The following NXN variants were observed in gnomAD, a reference collection of about 807,000 sequenced individuals.
NXN encodes the protein nucleoredoxin 1.
In NXN, 16 loss-of-function variants were observed where a neutral mutation model predicts 48.6. That is an observed-to-expected ratio of 0.33 (90% CI 0.22 to 0.50). The LOEUF (loss-of-function observed/expected upper bound fraction) is 0.50. NXN is among the 20% of genes least tolerant of loss of function. The pLI is 0.98. For missense variants in NXN, 492 were observed against 605.5 expected, an observed-to-expected ratio of 0.81 and a Z score of 1.97; for synonymous variants, 281 against 269.6, an observed-to-expected ratio of 1.04 and a Z score of -0.41.
chr17:812,884 A>C (rs374154169), intron 5 of NXN, among the ~76,000 whole-genome samples: 1 of 139,692 alleles, frequency 7.2e-6, no homozygotes, highest in Non-Finnish European at 1.5e-5. Context: ...GTGTGCGCAC[A>C]TGTGAATGTA....
At chr17:847,269 G>C (rs1232200822) in intron 1 of NXN, among the ~76,000 whole-genome samples, 1 of 150,918 alleles carries the variant, frequency 6.6e-6, no homozygotes, top group East Asian at 1.9e-4. Context: ...TCTGTTTCTT[G>C]GCAGAACTTT....
chr17:897,099 G>A (rs772588259), intron 1 of NXN: 14 of 1,020,960 alleles, frequency 1.4e-5, no homozygotes, highest in African/African-American at 1.8e-5. Context: ...CACGGCCACC[G>A]CGCCCAAGAA....
rs939101919 is a variant in NXN, at chr17:823,882, G to C, written c.479-117C>G. 3.1e-6 allele frequency: 3 copies of C among 974,966 alleles called. No homozygotes were observed. The African/African-American group carries it at 4.9e-5, about 16-fold the overall frequency. The allele number at this position is 974,966 out of a possible 1,614,324, so 60.4% of individuals were successfully genotyped here. A position where few individuals can be genotyped will look rare whatever the true frequency, so the allele number is the denominator to read the frequency against. On this transcript the variant is annotated intron_variant, in intron 2 of 7. Transcript: ENST00000336868. ...ATGACCTGGGACCCGGGAGACCTCA[G>C]AGCGGCAGGCGTGACAAGATAATCA...
intron 1 of NXN, among the ~76,000 whole-genome samples, chr17:850,523 C>G (rs1023855653): frequency 1.1e-4 from 17 of 152,140 alleles, no homozygotes; most frequent in African/African-American, 3.6e-4. Context: ...CAAGAAATGC[C>G]ATTTTGTGAG....
chr17:962,050 A>C (rs1040414823), intron 1 of NXN, among the ~76,000 whole-genome samples: 1 of 152,026 alleles, frequency 6.6e-6, no homozygotes, highest in African/African-American at 2.4e-5. Flanking sequence ...CAGGAGAATC[A>C]CTTGAACCCG....
At chr17:979,216 GGA>G (rs1333486933) in intron 1 of NXN, 101 bp downstream of exon 1, 5 of 710,676 alleles carry the variant, frequency 7.0e-6, no homozygotes, top group Non-Finnish European at 9.4e-6. Flanking sequence ...GCGGGCAGGG[GGA>G]CAACGGGGTT....
chr17:924,891 A>G (rs533901223), intron 1 of NXN, among the ~76,000 whole-genome samples: 1 of 151,986 alleles, frequency 6.6e-6, no homozygotes, highest in Non-Finnish European at 1.5e-5. Context: ...AGGTAAAGGC[A>G]GGAAGTACAG....
intron 1 of NXN, among the ~76,000 whole-genome samples, chr17:844,455 C>G (rs2067837788): frequency 6.7e-6 from 1 of 148,330 alleles, no homozygotes. Flanking sequence ...TTCACCCTAA[C>G]CCCAGCCCAT....
Position 919,456 on chromosome 17 carries a change from T to C in NXN, c.360+59863A>G, listed in dbSNP as rs2068723169. On this transcript the variant is annotated intron_variant, in intron 1 of 7. Transcript: ENST00000336868. This position sits in a 1 kb window ranked among gnomAD's most constrained non-coding sequence, Gnocchi z 5.1. Reference sequence around the variant, plus strand: ...AATGCAGGGCAATCATTCCTTAAGATGCTAGAAAACGTGTTATTGTAACAC... The same window carrying C: ...AATGCAGGGCAATCATTCCTTAAGACGCTAGAAAACGTGTTATTGTAACAC... Among the ~76,000 whole-genome samples the C allele has an allele frequency of 6.6e-6, 1 of 152,190 alleles. No individual in the cohort carries two copies. The highest frequency in any genetic ancestry group is 2.4e-5 in the African/African-American group (1 of 41,444).
At chr17:841,432 G>C (rs56011704) in intron 1 of NXN, among the ~76,000 whole-genome samples, 20,617 of 47,896 alleles carry the variant, frequency 0.43, 2,509 homozygotes, top group African/African-American at 0.54. Context: ...CATCTCACAC[G>C]GGCGAGCAGG....
chr17:903,667 G>A (rs898753082), intron 1 of NXN, among the ~76,000 whole-genome samples: 9 of 152,206 alleles, frequency 5.9e-5, no homozygotes, highest in African/African-American at 1.9e-4. Context: ...CCAGGCGTGA[G>A]CCAGGACACC....
intron 1 of NXN, among the ~76,000 whole-genome samples, chr17:944,188 G>C (rs558686535): frequency 6.6e-6 from 1 of 151,980 alleles, no homozygotes; most frequent in East Asian, 1.9e-4. Context: ...GCAGTGAGCC[G>C]AGATGGCGCC....
intron 1 of NXN, among the ~76,000 whole-genome samples, chr17:891,759 T>C (rs72477057): frequency 4.2e-3 from 66 of 15,766 alleles, no homozygotes; most frequent in South Asian, 9.0e-3. Flanking sequence ...TCAGGGAACC[T>C]AAGCTAACCC....
intron 1 of NXN, among the ~76,000 whole-genome samples, chr17:844,571 T>G (rs2067839050): frequency 1.3e-5 from 2 of 152,146 alleles, no homozygotes; most frequent in South Asian, 4.1e-4. Flanking sequence ...GTACAAGGTT[T>G]CTTTTTTTCT....
chr17:957,447 G>A (rs964922541), intron 1 of NXN, among the ~76,000 whole-genome samples: 1 of 152,010 alleles, frequency 6.6e-6, no homozygotes, highest in Non-Finnish European at 1.5e-5. Flanking sequence ...GCCTGGCCAA[G>A]ATGGCGAAAC....
At chr17:898,193 C>T (rs1017275996) in intron 1 of NXN, among the ~76,000 whole-genome samples, 1 of 152,140 alleles carries the variant, frequency 6.6e-6, no homozygotes, top group African/African-American at 2.4e-5. Context: ...CTGGTCGAGG[C>T]TGGTCTGTGC....
At chr17:803,596 T>G in intron 7 of NXN, 86 bp downstream of exon 7, 1 of 1,572,556 alleles carries the variant, frequency 6.4e-7, no homozygotes, top group African/African-American at 1.3e-5. Flanking sequence ...CTGGGGTCCT[T>G]TCAGGCAACC....
intron 5 of NXN, among the ~76,000 whole-genome samples, chr17:810,073 C>T (rs76271820): frequency 1.0e-4 from 11 of 108,276 alleles, no homozygotes; most frequent in South Asian, 3.1e-4. Context: ...CTGTGAGTGG[C>T]GTGCACGTTA....
chr17:842,735 C>G (rs913314105), intron 1 of NXN, among the ~76,000 whole-genome samples: 1 of 152,136 alleles, frequency 6.6e-6, no homozygotes, highest in African/African-American at 2.4e-5. Context: ...GTCAGGAGTT[C>G]AAGACCAGCC....
Sources: gnomAD v4.1 joint callset for allele counts (sites outside exome capture counted in the v4.1 genomes callset) on GRCh38, gnomAD v4.1.1 for gene constraint, Gnocchi (gnomAD v3.1) non-coding constraint, MANE v1.5 for transcripts, NCBI Gene and HGNC (gene_info 2026-07-23, HGNC 2026-07-21) for gene names.